The following TAFA1 variants were observed in gnomAD, a reference collection of about 807,000 sequenced individuals.
TAFA1 encodes TAFA chemokine like family member 1.
In TAFA1, 4 loss-of-function variants were observed where a neutral mutation model predicts 18.5. The ratio of observed to expected loss-of-function variants is 0.22; its 90% CI spans 0.11 to 0.49. The LOEUF (loss-of-function observed/expected upper bound fraction) is 0.49. TAFA1 is among the 20% of genes least tolerant of loss of function. TAFA1 has a pLI of 0.98. For synonymous variants in TAFA1, 56 were observed against 55.2 expected (o/e 1.01, Z -0.06); for missense variants, 147 against 169.0 (o/e 0.87, Z 0.72).
In TAFA1 at chr3:68,083,963, C is replaced by T. The variant is rs1000026239; in HGVS notation, c.118+77219C>T. On this transcript the variant is annotated intron_variant, in intron 2 of 4. Transcript: ENST00000478136. ...TTCAGACATCACTGCAAAGACTCTT[C>T]TTTCCATATTTCCCTATTTAAATGT... is the stretch of plus-strand genomic sequence containing the variant. 5.9e-5 allele frequency among the ~76,000 whole-genome samples: 9 copies of T among 152,326 alleles called. No individual in the cohort carries two copies. The South Asian group carries it at 1.2e-3, about 21-fold the overall frequency.
At position 68,511,324 on chromosome 3, in the gene TAFA1, C is replaced by T. The variant is rs187363944; in HGVS notation, c.260-27432C>T. 5.2e-4 allele frequency among the ~76,000 whole-genome samples: 79 copies of T among 152,168 alleles called. No individual in the cohort carries two copies. The Middle Eastern group carries it at 0.01, about 20-fold the overall frequency. ...ATGTGCAAATACTACTATTAGCAGA[C>T]GTAGTTGCCATAAGTGTTATTAACT... On this transcript the variant is annotated intron_variant, in intron 3 of 4. Transcript: ENST00000478136.
At chr3:68,332,119 T>A (rs916319111) in intron 2 of TAFA1, among the ~76,000 whole-genome samples, 4 of 151,764 alleles carry the variant, frequency 2.6e-5, no homozygotes, top group Non-Finnish European at 5.9e-5. Flanking sequence ...CGCCTCGGCC[T>A]CCCAAAGTGC....
intron 2 of TAFA1, among the ~76,000 whole-genome samples, chr3:68,254,172 T>TCTATCTATCTATCTATCTATCTAC (rs1553659962): frequency 1.1e-4 from 16 of 148,970 alleles, no homozygotes; most frequent in Non-Finnish European, 8.9e-5. Flanking sequence ...TATCTATCTA[T>TCTATCTATCTATCTATCTATCTAC]CTATCTATCT....
chr3:68,527,012 G>A (rs1211835315), intron 3 of TAFA1, among the ~76,000 whole-genome samples: 2 of 152,074 alleles, frequency 1.3e-5, no homozygotes, highest in Non-Finnish European at 1.5e-5. Context: ...TAAGATACAA[G>A]GTATATACAG....
At chr3:68,227,911 C>A (rs1016693485) in intron 2 of TAFA1, among the ~76,000 whole-genome samples, 1 of 152,132 alleles carries the variant, frequency 6.6e-6, no homozygotes. Context: ...AGAAGGAAAT[C>A]TTTTATCACT....
At chr3:68,462,891 T>C (rs375473024) in intron 3 of TAFA1, among the ~76,000 whole-genome samples, 3 of 152,284 alleles carry the variant, frequency 2.0e-5, no homozygotes, top group South Asian at 4.1e-4. Context: ...AAAGCTTCCT[T>C]TTTGTTGTGA....
At chr3:68,050,741 A>G (rs2064460487) in intron 2 of TAFA1, among the ~76,000 whole-genome samples, 2 of 152,148 alleles carry the variant, frequency 1.3e-5, no homozygotes, top group Non-Finnish European at 2.9e-5. Flanking sequence ...TTTTCCTGTA[A>G]AAGTCCAGAG....
At chr3:68,294,751 C>G (rs1225738856) in intron 2 of TAFA1, among the ~76,000 whole-genome samples, 2 of 152,036 alleles carry the variant, frequency 1.3e-5, no homozygotes, top group African/African-American at 4.8e-5. Flanking sequence ...GTGGCACACA[C>G]CTGTGGTCTC....
At chr3:68,155,694 G>C (rs918719998) in intron 2 of TAFA1, among the ~76,000 whole-genome samples, 4 of 152,092 alleles carry the variant, frequency 2.6e-5, no homozygotes, top group African/African-American at 9.7e-5. Flanking sequence ...TCCATAAAGG[G>C]AAAATGGAAA....
chr3:68,303,940 T>C (rs558843770), intron 2 of TAFA1, among the ~76,000 whole-genome samples: 41 of 152,294 alleles, frequency 2.7e-4, no homozygotes, highest in African/African-American at 9.4e-4. Flanking sequence ...TCACTAGAAT[T>C]TCAAATATTA....
chr3:68,467,787 G>A (rs928389053), intron 3 of TAFA1, among the ~76,000 whole-genome samples: 6 of 152,156 alleles, frequency 3.9e-5, no homozygotes, highest in African/African-American at 1.4e-4. Flanking sequence ...GGGGGTTCTG[G>A]CTAAACTGAT....
At chr3:68,181,831 A>C (rs1040650400) in intron 2 of TAFA1, among the ~76,000 whole-genome samples, 7 of 152,214 alleles carry the variant, frequency 4.6e-5, no homozygotes, top group Non-Finnish European at 1.0e-4. Flanking sequence ...GGTGAAATCT[A>C]AGTTATGAAA....
intron 2 of TAFA1, among the ~76,000 whole-genome samples, chr3:68,020,613 A>G (rs1161646091): frequency 6.6e-6 from 1 of 152,176 alleles, no homozygotes; most frequent in East Asian, 1.9e-4. Flanking sequence ...ACTAACCTGT[A>G]TGCTGATAAT....
intron 2 of TAFA1, among the ~76,000 whole-genome samples, chr3:68,096,337 A>G (rs1192699634): frequency 2.4e-4 from 36 of 152,026 alleles, no homozygotes; most frequent in Admixed American, 2.4e-3. Context: ...CCATTGGTGG[A>G]CACTTAGGTT....
At chr3:68,445,749 G>T (rs2071465266) in intron 3 of TAFA1, among the ~76,000 whole-genome samples, 1 of 152,114 alleles carries the variant, frequency 6.6e-6, no homozygotes, top group South Asian at 2.1e-4. Context: ...CTAGGGCAGG[G>T]ATGAAAAATT....
chr3:68,277,209 G>A (rs891157927), intron 2 of TAFA1, among the ~76,000 whole-genome samples: 1 of 152,162 alleles, frequency 6.6e-6, no homozygotes, highest in African/African-American at 2.4e-5. Context: ...AGGACACCTA[G>A]ATAGTTCAGT....
intron 3 of TAFA1, among the ~76,000 whole-genome samples, chr3:68,478,881 G>T (rs1467341708): frequency 6.7e-6 from 1 of 149,880 alleles, no homozygotes; most frequent in Non-Finnish European, 1.5e-5. Flanking sequence ...ATATCTTTTA[G>T]AAGTCACATA....
chr3:68,379,992 C>T (rs2069902471), intron 2 of TAFA1, among the ~76,000 whole-genome samples: 1 of 151,944 alleles, frequency 6.6e-6, no homozygotes, highest in African/African-American at 2.4e-5. Context: ...GTTCAACTCC[C>T]ACCTATGAGT....
At chr3:68,402,931 T>G (rs2070526837) in intron 2 of TAFA1, among the ~76,000 whole-genome samples, 1 of 152,210 alleles carries the variant, frequency 6.6e-6, no homozygotes, top group Non-Finnish European at 1.5e-5. Flanking sequence ...TCTCTTTTGC[T>G]GTCATCATCT....
Sources: allele counts gnomAD v4.1 joint callset (sites outside exome capture counted in the v4.1 genomes callset), GRCh38; gene constraint gnomAD v4.1.1; transcripts MANE v1.5; gene names NCBI Gene and HGNC (gene_info 2026-07-23, HGNC 2026-07-21).